TMEM126B: variants seen among roughly 807,000 people sequenced by gnomAD.
TMEM126B encodes transmembrane protein 126B.
In TMEM126B, 19 loss-of-function variants were observed where a neutral mutation model predicts 16.5. The ratio of observed to expected loss-of-function variants is 1.15; its 90% confidence interval spans 0.80 to 1.69. The LOEUF is 1.69. Among genes scored for constraint, TMEM126B ranks in the 40% most tolerant of loss-of-function variants. TMEM126B has a pLI of 0.00. For synonymous variants in TMEM126B, 104 were observed against 93.2 expected (o/e 1.12, Z -0.67); for missense variants, 293 against 278.7 (o/e 1.05, Z -0.37).
intron 1 of TMEM126B, among the ~76,000 whole-genome samples, chr11:85,629,548 C>T (rs1014297440): frequency 1.3e-5 from 2 of 152,044 alleles, no homozygotes; most frequent in African/African-American, 2.4e-5. Flanking sequence ...GTCTGTTTTC[C>T]CTATAGAGAC....
chr11:85,636,361 TACTC>T lies in TMEM126B; in HGVS notation c.*134_*137del, dbSNP rs1179495843. ...TGCCTTTTGCCTGGTATATAGCAAA[TACTC>T]AAAAAGTATTCAATAATTCAATCAA... On this transcript the variant is annotated 3_prime_UTR_variant, in exon 5 of 5. Transcript: ENST00000358867. 5.4e-6 allele frequency: 3 copies of T among 554,486 alleles called. No individual in the cohort carries two copies. The highest frequency in any genetic ancestry group is 7.6e-5 in the Admixed American group (2 of 26,228). 34.3% of individuals were successfully genotyped at this position (554,486 alleles called of 1,614,324 possible).
intron 2 of TMEM126B, among the ~76,000 whole-genome samples, chr11:85,632,547 GA>G (rs1346918708): frequency 1.5e-4 from 23 of 152,266 alleles, no homozygotes; most frequent in African/African-American, 5.5e-4. Context: ...GTCTTAATAA[GA>G]AAACTAAATC....
At position 85,628,627 on chromosome 11, in the gene TMEM126B, A is replaced by T; in HGVS notation, c.20A>T (p.Glu7Val). Residue 7 changes from glutamate (E) to valine (V), a missense_variant, in exon 1 of 5, where the codon GAG (glutamate) becomes GTG (valine). Transcript: ENST00000358867. MVVFGY[E>V]AGTKPRDSGV... ...ACCAAAATGGTGGTGTTCGGGTATG[A>T]GGCTGGGACTAAGCCAAGGGATTCA... 6.5e-7 allele frequency: 1 copy of T among 1,536,118 alleles called. No individual in the cohort carries two copies. The highest frequency in any genetic ancestry group is 8.7e-7 in the Non-Finnish European group (1 of 1,146,898).
chr11:85,631,208 A>C (rs2082290558), intron 1 of TMEM126B: 1 of 1,290,344 alleles, frequency 7.7e-7, no homozygotes, highest in Admixed American at 2.3e-5. Context: ...TAGAGATGTC[A>C]ATAAGCAGCC....
intron 1 of TMEM126B, chr11:85,631,172 C>T (rs777071705): frequency 7.7e-7 from 1 of 1,290,400 alleles, no homozygotes. Flanking sequence ...CCAAAATGAA[C>T]TTAATCTTTC....
At chr11:85,632,693 G>T (rs58931064) in intron 2 of TMEM126B, among the ~76,000 whole-genome samples, 20,900 of 151,878 alleles carry the variant, frequency 0.14, 1,680 homozygotes, top group East Asian at 0.29. Context: ...AAAGTGTACA[G>T]TTATATGAGT....
chr11:85,634,356 C>G, intron 3 of TMEM126B, 77 bp downstream of exon 3: 1 of 1,021,736 alleles, frequency 9.8e-7, no homozygotes, highest in East Asian at 2.5e-5. Context: ...GTTGCTACTG[C>G]TAATAATAAT....
At chr11:85,635,949 A>G in intron 4 of TMEM126B, 97 bp from the exon 5 acceptor site, 1 of 1,352,200 alleles carries the variant, frequency 7.4e-7, no homozygotes, top group East Asian at 2.3e-5. Context: ...TCTCTACATT[A>G]TAGATCTAGA....
chr11:85,631,413 T>C, intron 1 of TMEM126B: 1 of 975,542 alleles, frequency 1.0e-6, no homozygotes. Context: ...TACCAATTTC[T>C]CAAGTTAGTG....
intron 1 of TMEM126B, chr11:85,631,244 A>G: frequency 1.6e-6 from 2 of 1,287,802 alleles, no homozygotes; most frequent in Admixed American, 4.6e-5. Context: ...CCACCTGAAG[A>G]GCTAGGAGGA....
chr11:85,628,685 C>T lies in TMEM126B; in HGVS notation c.78C>T (p.Pro26=). The change falls in exon 1 of 5, where the codon CCC becomes CCT. Residue 26 remains proline (P), a synonymous_variant. Transcript: ENST00000358867. Reference sequence around the variant, plus strand: ...TGCCGGTGGGAACTGAGGAAGCGCCCAAGGTAGGCGGAAATCCGAAGTGGT... The same window carrying T: ...TGCCGGTGGGAACTGAGGAAGCGCCTAAGGTAGGCGGAAATCCGAAGTGGT... The part of the protein sequence containing the change: ...GVVPVGTEEA[P]KVFKMAASMH... 1.3e-6 allele frequency: 2 copies of T among 1,536,140 alleles called. No homozygotes were observed. Among genetic ancestry groups the T allele is most frequent in the Non-Finnish European group, 1.7e-6 (2 of 1,146,894 alleles).
chr11:85,632,639 G>A (rs1287659719), intron 2 of TMEM126B, among the ~76,000 whole-genome samples: 1 of 151,232 alleles, frequency 6.6e-6, no homozygotes, highest in Non-Finnish European at 1.5e-5. Flanking sequence ...CTGTTTTATG[G>A]CTTTATTGAA....
intron 2 of TMEM126B, among the ~76,000 whole-genome samples, chr11:85,632,744 A>G (rs1337558212): frequency 6.6e-6 from 1 of 152,132 alleles, no homozygotes; most frequent in Non-Finnish European, 1.5e-5. Context: ...CACCACAATT[A>G]AAATTTGGAA....
intron 3 of TMEM126B, chr11:85,634,825 C>G (rs1167007799): frequency 6.6e-6 from 1 of 152,492 alleles, no homozygotes; most frequent in Admixed American, 6.5e-5. Flanking sequence ...CTTGTTCATT[C>G]TTCAGGTTCC....
chr11:85,630,577 A>C (rs1204554188), intron 1 of TMEM126B, among the ~76,000 whole-genome samples: 1 of 152,248 alleles, frequency 6.6e-6, no homozygotes, highest in Non-Finnish European at 1.5e-5. Context: ...TGCCCAGAGC[A>C]AAACATTCAG....
chr11:85,632,542 A>C (rs1210230018), intron 2 of TMEM126B, among the ~76,000 whole-genome samples: 1 of 152,240 alleles, frequency 6.6e-6, no homozygotes, highest in Non-Finnish European at 1.5e-5. Flanking sequence ...TATGGGTCTT[A>C]ATAAGAAAAC....
chr11:85,629,192 G>A (rs1271641195), intron 1 of TMEM126B: 1 of 1,286,584 alleles, frequency 7.8e-7, no homozygotes, highest in Non-Finnish European at 1.0e-6. Flanking sequence ...ACTGTATCTT[G>A]ATTACCCGGA....
chr11:85,631,000 A>G, intron 1 of TMEM126B: 1 of 471,394 alleles, frequency 2.1e-6, no homozygotes, highest in Non-Finnish European at 3.7e-6. Flanking sequence ...ACAGGTGGTA[A>G]TAGGGAACTG....
intron 3 of TMEM126B, 63 bp from the exon 4 acceptor site, chr11:85,635,604 T>C: frequency 9.0e-7 from 1 of 1,115,020 alleles, no homozygotes; most frequent in Non-Finnish European, 1.3e-6. Flanking sequence ...CTCTGTGAGG[T>C]ACAACACTGT....
Sources: gnomAD v4.1 joint callset for allele counts (sites outside exome capture counted in the v4.1 genomes callset) on GRCh38, gnomAD v4.1.1 for gene constraint, MANE v1.5 for transcripts, NCBI Gene and HGNC (gene_info 2026-07-23, HGNC 2026-07-21) for gene names.